The following BIRC6 variants were observed in gnomAD, a reference collection of about 807,000 sequenced individuals.
BIRC6 encodes dual E2 ubiquitin-conjugating enzyme/E3 ubiquitin-protein ligase BIRC6.
A neutral mutation model predicts 503.3 loss-of-function variants in BIRC6; 98 were observed. The ratio of observed to expected loss-of-function variants is 0.19; its 90% CI spans 0.17 to 0.23. The LOEUF is 0.23. Ranked by LOEUF, BIRC6 falls within the 10% of genes least tolerant of loss-of-function variation. The probability of loss-of-function intolerance (pLI) is 1.00; values close to 1 mark genes in which losing one functional copy is unlikely to be tolerated. For missense variants in BIRC6, 5,360 were observed against 5,806.0 expected (o/e 0.92, Z 2.50); for synonymous variants, 2,240 against 2,078.7 (o/e 1.08, Z -2.11).
chr2:32,534,951 T>C (rs1034103635), intron 61 of BIRC6, among the ~76,000 whole-genome samples: 1 of 151,048 alleles, frequency 6.6e-6, no homozygotes, highest in African/African-American at 2.4e-5. Flanking sequence ...CAATTCAACA[T>C]GTAAGAAACT....
rs2049887337 is a variant in BIRC6 at position 32,477,385 on chromosome 2, T to C, written c.6870T>C (p.Ile2290=). The change falls in exon 35 of 74, where the codon ATT becomes ATC. Residue 2290 remains isoleucine (I), a synonymous_variant. Transcript: ENST00000421745. ...QATSKHFKDL[I]RLRRTAEWSR... ...GTGTGCAGCACTTTAAGGATTTAAT[T>C]CGTTTACGTCGGACAGCAGAATGGT... 6.2e-7 allele frequency: 1 copy of C among 1,613,896 alleles called. No individual in the cohort carries two copies. Among genetic ancestry groups the C allele is most frequent in the Non-Finnish European group, 8.5e-7 (1 of 1,179,848 alleles).
In BIRC6 at chr2:32,469,425, C is replaced by T; in HGVS notation, c.6158C>T (p.Thr2053Ile). The change falls in exon 30 of 74, where the codon ACA becomes ATA. Residue 2053 changes from threonine to isoleucine, a missense_variant. By Grantham distance (89) the Thr-to-Ile change is moderately conservative (BLOSUM62 -1). This residue lies in a region of BIRC6 where 2,299 missense variants were observed against 2,267.2 expected (regional missense o/e 1.01). Coordinates refer to ENST00000421745, the MANE Select transcript of BIRC6 (RefSeq NM_016252.4). ...GHSVPAVLQS[T>I]FHAQACEELF... ...TCTGTTCCTGCAGTTTTGCAGAGCACATTTCATGCCCAGGCCTGTGAAGAG... is the reference window on the plus strand; with the variant it reads ...TCTGTTCCTGCAGTTTTGCAGAGCATATTTCATGCCCAGGCCTGTGAAGAG... 1 of 1,613,782 alleles carries T rather than the reference C, an allele frequency of 6.2e-7. No individual in the cohort carries two copies.
rs2151472088 is a variant in BIRC6 at position 32,598,114 on chromosome 2, AG to A, written c.13830+148del. 4 of 741,118 alleles carry A rather than the reference AG, an allele frequency of 5.4e-6. No homozygotes were observed. The East Asian group carries it at 1.2e-4, about 21-fold the overall frequency. 45.9% of individuals were successfully genotyped at this position (741,118 alleles called of 1,614,324 possible). A position where few individuals can be genotyped will look rare whatever the true frequency, so the allele number is the denominator to read the frequency against. On this transcript the variant is annotated intron_variant, in intron 69 of 73. Coordinates refer to ENST00000421745, the MANE Select transcript of BIRC6 (RefSeq NM_016252.4). Reference sequence around the variant, plus strand: ...GTGACCATTTTTAGACGGCAGTGAAAGGAGCCTCCCCACCCCTCCCCCCCTT... The same window carrying A: ...GTGACCATTTTTAGACGGCAGTGAAAGAGCCTCCCCACCCCTCCCCCCCTT...
intron 57 of BIRC6, among the ~76,000 whole-genome samples, chr2:32,524,075 T>C (rs1242956730): frequency 6.6e-6 from 1 of 151,506 alleles, no homozygotes; most frequent in Non-Finnish European, 1.5e-5. Context: ...GGAGACTTGA[T>C]AACAGTTATA....
At chr2:32,362,419 C>T (rs915229187) in intron 1 of BIRC6, among the ~76,000 whole-genome samples, 1 of 151,634 alleles carries the variant, frequency 6.6e-6, no homozygotes, top group Non-Finnish European at 1.5e-5. Flanking sequence ...AGGTTCACAC[C>T]ATTTTCCTCC....
In BIRC6 at chr2:32,375,741, CTCT is replaced by C. The variant is rs1205111282; in HGVS notation, c.326-1845_326-1843del. ...TGCCGTAAATGTATTTTCTTTCTCTCTCTTTTTTTTTTTTTTTGCAATTCAGCT... is the reference window on the plus strand; with the variant it reads ...TGCCGTAAATGTATTTTCTTTCTCTCTTTTTTTTTTTTTTGCAATTCAGCT... On this transcript the variant is annotated intron_variant, in intron 1 of 73. Transcript: ENST00000421745. Among the ~76,000 whole-genome samples the C allele has an allele frequency of 2.8e-5, 3 of 107,026 alleles. No individual in the cohort carries two copies. In the East Asian group the frequency reaches 9.2e-4, roughly 33 times the overall value. 70.2% of individuals were successfully genotyped at this position (107,026 alleles called of 152,430 possible).
chr2:32,604,259 C>G (rs1218902739), intron 71 of BIRC6, among the ~76,000 whole-genome samples: 1 of 152,120 alleles, frequency 6.6e-6, no homozygotes, highest in East Asian at 1.9e-4. Context: ...TACACTGTTT[C>G]TCAGGCCTAA....
intron 4 of BIRC6, among the ~76,000 whole-genome samples, chr2:32,391,721 TA>T (rs1029800780): frequency 6.6e-6 from 1 of 152,242 alleles, no homozygotes; most frequent in Non-Finnish European, 1.5e-5. Context: ...TATCGTCCTT[TA>T]AAAAATTACT....
chr2:32,552,860 A>T (rs1243646444), intron 65 of BIRC6, among the ~76,000 whole-genome samples: 2 of 149,866 alleles, frequency 1.3e-5, no homozygotes, highest in Non-Finnish European at 3.0e-5. Context: ...ATAACTAATT[A>T]TATATTTATA....
At chr2:32,597,125 C>A (rs1200954687) in intron 68 of BIRC6, among the ~76,000 whole-genome samples, 3 of 152,228 alleles carry the variant, frequency 2.0e-5, no homozygotes, top group African/African-American at 7.2e-5. Flanking sequence ...ATGTATCAAA[C>A]ATTTTCTAGT....
chr2:32,575,065 T>C (rs2060173033), intron 65 of BIRC6, 91 bp from the exon 66 acceptor site: 1 of 1,391,250 alleles, frequency 7.2e-7, no homozygotes, highest in Admixed American at 1.7e-5. Context: ...CTGTGGACCT[T>C]GGTAAGATCC....
At position 32,518,414 on chromosome 2, in the gene BIRC6, T is replaced by C; in HGVS notation, c.11493+17T>C. 6.3e-7 allele frequency: 1 copy of C among 1,598,148 alleles called. No individual in the cohort carries two copies. Among genetic ancestry groups the C allele is most frequent in the East Asian group, 2.2e-5 (1 of 44,722 alleles). On this transcript the variant is annotated intron_variant, in intron 56 of 73. Coordinates refer to ENST00000421745, the MANE Select transcript of BIRC6 (RefSeq NM_016252.4). ...CCATGTCCAGTGAGTATTTAACACTTAATCATTGGCTGTGTATACATGTAT... is the reference window on the plus strand; with the variant it reads ...CCATGTCCAGTGAGTATTTAACACTCAATCATTGGCTGTGTATACATGTAT...
rs1393951191 is a variant in BIRC6, at chr2:32,442,464, G to GT, written c.4238+14dup. The GT allele has an allele frequency of 6.3e-7, 1 of 1,588,744 alleles. No homozygotes were observed. The highest frequency in any genetic ancestry group is 2.3e-5 in the East Asian group (1 of 44,356). ...CTAGCCTTGTGCATTAGGTTGGTAT[G>GT]TTTTTAAGTTGAAAGCATACTTTCT... On this transcript the variant is annotated intron_variant, in intron 19 of 73. Coordinates refer to ENST00000421745, the MANE Select transcript of BIRC6 (RefSeq NM_016252.4).
rs369249100 is a variant in BIRC6, at chr2:32,549,378, G to A, written c.13041G>A (p.Glu4347=). ...AVNGEAQSSH[E]TRGQNSNALP... ...ATGGAGAAGCTCAGTCATCTCATGA[G>A]ACTAGAGGGCAGAACAGTAATGCCC... Residue 4347 remains glutamate (E), a synonymous_variant, in exon 65 of 74, where the codon GAG becomes GAA. Transcript: ENST00000421745. The A allele has an allele frequency of 6.6e-7, 1 of 1,514,264 alleles. No homozygotes were observed. The highest frequency in any genetic ancestry group is 9.0e-7 in the Non-Finnish European group (1 of 1,111,044). 93.8% of individuals were successfully genotyped at this position (1,514,264 alleles called of 1,614,324 possible). A position where few individuals can be genotyped will look rare whatever the true frequency, so the allele number is the denominator to read the frequency against.
At chr2:32,526,276 C>G (rs952280308) in intron 59 of BIRC6, among the ~76,000 whole-genome samples, 1 of 152,172 alleles carries the variant, frequency 6.6e-6, no homozygotes, top group Non-Finnish European at 1.5e-5. Flanking sequence ...TTCCTCCCTA[C>G]ATATCCACAG....
At chr2:32,546,591 A>G (rs2058066959) in intron 63 of BIRC6, among the ~76,000 whole-genome samples, 1 of 152,150 alleles carries the variant, frequency 6.6e-6, no homozygotes, top group African/African-American at 2.4e-5. Flanking sequence ...AAAAAGAAAA[A>G]AAAAAATACC....
intron 61 of BIRC6, among the ~76,000 whole-genome samples, chr2:32,541,294 C>G (rs1057161627): frequency 6.6e-6 from 1 of 152,106 alleles, no homozygotes; most frequent in Non-Finnish European, 1.5e-5. Flanking sequence ...TATGTTCTTA[C>G]AATTAGGCTA....
intron 65 of BIRC6, among the ~76,000 whole-genome samples, chr2:32,559,808 T>G (rs1021853437): frequency 1.3e-5 from 2 of 151,156 alleles, no homozygotes; most frequent in African/African-American, 4.9e-5. Context: ...ATCACCTGAG[T>G]TCAAGGGTTT....
chr2:32,559,899 C>T (rs1419221613), intron 65 of BIRC6, among the ~76,000 whole-genome samples: 1 of 151,554 alleles, frequency 6.6e-6, no homozygotes, highest in African/African-American at 2.4e-5. Flanking sequence ...GCCTGTTATC[C>T]CAGCTGCTTG....
Sources: allele counts gnomAD v4.1 joint callset (sites outside exome capture counted in the v4.1 genomes callset), GRCh38; gene constraint gnomAD v4.1.1; regional missense constraint gnomAD v4.1.1; transcripts MANE v1.5; gene names NCBI Gene and HGNC (gene_info 2026-07-23, HGNC 2026-07-21).